The following ISX variants were observed in gnomAD, a reference collection of about 807,000 sequenced individuals.
ISX encodes the protein intestine-specific homeobox.
Under a neutral mutation model 16.9 loss-of-function variants are expected in ISX, and 15 were observed. The observed-to-expected ratio is 0.89, with a 90% CI of 0.59 to 1.36. ISX has a LOEUF of 1.36. Among genes scored for constraint, ISX ranks in the 40% most tolerant of loss-of-function variants. The probability of loss-of-function intolerance (pLI) is 0.00; values close to 1 mark genes in which losing one functional copy is unlikely to be tolerated. For synonymous variants in ISX, 125 were observed against 119.7 expected (o/e 1.04, Z -0.29); for missense variants, 316 against 306.1 (o/e 1.03, Z -0.24).
At chr22:35,068,151 T>G (rs1361191162) in intron 2 of ISX, among the ~76,000 whole-genome samples, 2 of 152,194 alleles carry the variant, frequency 1.3e-5, no homozygotes, top group African/African-American at 4.8e-5. Flanking sequence ...TAAGAAATGG[T>G]GAAGCTGGCG....
At position 35,086,140 on chromosome 22, in the gene ISX, G is replaced by A. The variant is rs1331707819; in HGVS notation, c.*447G>A. The A allele has an allele frequency of 1.2e-5, 3 of 253,180 alleles. No homozygotes were observed. Among genetic ancestry groups the A allele is most frequent in the Admixed American group, 5.1e-5 (1 of 19,742 alleles). 15.7% of individuals were successfully genotyped at this position (253,180 alleles called of 1,614,324 possible). A position where few individuals can be genotyped will look rare whatever the true frequency, so the allele number is the denominator to read the frequency against. On this transcript the variant is annotated 3_prime_UTR_variant, in exon 5 of 5. Transcript: ENST00000404699. The stretch of plus-strand genomic sequence containing the variant: ...GGCCAAGGAGAGGTTGTTTGTTCAT[G>A]CATGCATTCATCCGTGACACATGAG...
intron 2 of ISX, among the ~76,000 whole-genome samples, chr22:35,069,225 A>C (rs2146286904): frequency 6.6e-6 from 1 of 152,362 alleles, no homozygotes; most frequent in East Asian, 1.9e-4. Flanking sequence ...CAAACACAAA[A>C]GTCTATTTGG....
At chr22:35,071,953 T>G (rs746530990) in intron 2 of ISX, among the ~76,000 whole-genome samples, 7 of 152,178 alleles carry the variant, frequency 4.6e-5, no homozygotes, top group Non-Finnish European at 8.8e-5. Context: ...GCAGCCCTGG[T>G]TTGAGGCTGT....
Position 35,085,668 on chromosome 22 carries a change from G to A in ISX, c.713G>A (p.Gly238Asp). 6.2e-7 allele frequency: 1 copy of A among 1,614,170 alleles called. No individual in the cohort carries two copies. The highest frequency in any genetic ancestry group is 8.5e-7 in the Non-Finnish European group (1 of 1,180,024). The change falls in exon 5 of 5, where the codon GGC (glycine) becomes GAC (aspartate). Residue 238 changes from glycine to aspartate, a missense_variant. Transcript: ENST00000404699. The part of the protein sequence containing the change: ...CILPPPHPKW[G>D]SICATST Reference sequence around the variant, plus strand: ...CTTCCACCTCCACACCCCAAATGGGGCAGCATCTGTGCTACTTCAACATAG... The same window carrying A: ...CTTCCACCTCCACACCCCAAATGGGACAGCATCTGTGCTACTTCAACATAG...
At chr22:35,075,357 C>A (rs759172431) in intron 2 of ISX, among the ~76,000 whole-genome samples, 1 of 152,200 alleles carries the variant, frequency 6.6e-6, no homozygotes, top group Non-Finnish European at 1.5e-5. Context: ...TCAGGTGTGT[C>A]AAGCCAAGAA....
rs569235437 is a variant in ISX, at chr22:35,082,749, C to T, written c.381+80C>T. On this transcript the variant is annotated intron_variant, in intron 3 of 4. Coordinates refer to ENST00000404699, the MANE Select transcript of ISX (RefSeq NM_001303508.2). Reference sequence around the variant, plus strand: ...AGACACAATATATCCAGGGACTTTTCGGGTTGCCCCATCTAAAAGTTTCTG... The same window carrying T: ...AGACACAATATATCCAGGGACTTTTTGGGTTGCCCCATCTAAAAGTTTCTG... 4.4e-5 allele frequency: 65 copies of T among 1,465,310 alleles called. No individual in the cohort carries two copies. The African/African-American group carries it at 6.0e-4, about 14-fold the overall frequency. 90.8% of individuals were successfully genotyped at this position (1,465,310 alleles called of 1,614,324 possible). A position where few individuals can be genotyped will look rare whatever the true frequency, so the allele number is the denominator to read the frequency against.
chr22:35,085,822 C>A lies in ISX; in HGVS notation c.*129C>A. On this transcript the variant is annotated 3_prime_UTR_variant, in exon 5 of 5. Coordinates refer to ENST00000404699, the MANE Select transcript of ISX (RefSeq NM_001303508.2). ...ATGGCCCACAGCCCAGGAAGCTACCCTGAACATGCCAGTTGGAAGGCTGCA... is the reference window on the plus strand; with the variant it reads ...ATGGCCCACAGCCCAGGAAGCTACCATGAACATGCCAGTTGGAAGGCTGCA... The A allele has an allele frequency of 8.7e-7, 1 of 1,145,336 alleles. No homozygotes were observed. Among genetic ancestry groups the A allele is most frequent in the Non-Finnish European group, 1.3e-6 (1 of 789,480 alleles). The allele number at this position is 1,145,336 out of a possible 1,614,324, so 70.9% of individuals were successfully genotyped here.
intron 2 of ISX, among the ~76,000 whole-genome samples, chr22:35,075,612 T>G (rs969007966): frequency 3.9e-5 from 6 of 152,198 alleles, no homozygotes; most frequent in Admixed American, 1.3e-4. Flanking sequence ...AACAAAAATT[T>G]TTTTAAATAC....
intron 2 of ISX, among the ~76,000 whole-genome samples, chr22:35,080,312 C>A (rs928771614): frequency 6.6e-6 from 1 of 152,138 alleles, no homozygotes; most frequent in African/African-American, 2.4e-5. Context: ...TCCTCAGTTC[C>A]CCTTTGAGCT....
intron 2 of ISX, among the ~76,000 whole-genome samples, chr22:35,076,245 G>A (rs1274868521): frequency 6.6e-6 from 1 of 152,196 alleles, no homozygotes; most frequent in African/African-American, 2.4e-5. Flanking sequence ...CTCAGGAAGC[G>A]CAGAACAAGG....
rs8142871 is a variant in ISX, at chr22:35,086,751, G to A, written c.*1058G>A. ...GTTATTCCAAGATTCCACTGCAAAAGTGGCTGCTTTGGATGCCAGCCCAGG... is the reference window on the plus strand; with the variant it reads ...GTTATTCCAAGATTCCACTGCAAAAATGGCTGCTTTGGATGCCAGCCCAGG... On this transcript the variant is annotated 3_prime_UTR_variant, in exon 5 of 5. Transcript: ENST00000404699. 0.12 allele frequency: 18,122 copies of A among 152,286 alleles called. 1,251 individuals carry two copies. Among genetic ancestry groups the A allele is most frequent in the Middle Eastern group, 0.24 (70 of 294 alleles). The allele number at this position is 152,286 out of a possible 1,614,324, so 9.4% of individuals were successfully genotyped here.
chr22:35,085,581 G>T lies in ISX; in HGVS notation c.626G>T (p.Trp209Leu), dbSNP rs1929233143. Residue 209 changes from tryptophan (W) to leucine (L), a missense_variant, in exon 5 of 5, where the codon TGG (tryptophan) becomes TTG (leucine). Transcript: ENST00000404699. ...ATCACCCTCCTCCCAGCGCACCCAT[G>T]GGAAACACAGCCTGTCCCAGGTCTT... ...AWITLLPAHPWETQPVPGLPI... is the reference protein window; with the variant it reads ...AWITLLPAHPLETQPVPGLPI... The T allele has an allele frequency of 1.2e-6, 2 of 1,614,182 alleles. No homozygotes were observed. Among genetic ancestry groups the T allele is most frequent in the African/African-American group, 1.3e-5 (1 of 75,042 alleles).
At chr22:35,083,562 A>C (rs941305050) in intron 3 of ISX, among the ~76,000 whole-genome samples, 4 of 152,250 alleles carry the variant, frequency 2.6e-5, no homozygotes, top group South Asian at 2.1e-4. Context: ...ACGTTCCACC[A>C]GATCTCACTG....
At position 35,085,659 on chromosome 22, in the gene ISX, C is replaced by G. The variant is rs1357492807; in HGVS notation, c.704C>G (p.Pro235Arg). 2.5e-6 allele frequency: 4 copies of G among 1,614,248 alleles called. No homozygotes were observed. The highest frequency in any genetic ancestry group is 3.4e-6 in the Non-Finnish European group (4 of 1,180,050). Reference protein sequence around the residue: ...PVLCILPPPHPKWGSICATST With the variant: ...PVLCILPPPHRKWGSICATST ...CTATGCATCCTTCCACCTCCACACC[C>G]CAAATGGGGCAGCATCTGTGCTACT... Residue 235 changes from proline (P) to arginine (R), a missense_variant, in exon 5 of 5, where the codon CCC (proline) becomes CGC (arginine). Pro to Arg is a moderately radical substitution (Grantham distance 103). Transcript: ENST00000404699.
At chr22:35,073,861 T>C (rs1928916276) in intron 2 of ISX, among the ~76,000 whole-genome samples, 1 of 152,224 alleles carries the variant, frequency 6.6e-6, no homozygotes, top group Non-Finnish European at 1.5e-5. Context: ...CCTAGGGGAA[T>C]GAAGAACCAT....
In ISX at chr22:35,084,433, C is replaced by A; in HGVS notation, c.432C>A (p.Gly144=). ...AGTGGCGGAAGCAGGAGAAGATTGG[C>A]AACCTGGGGGCTCCACAGCAGCTGA... ...RAKWRKQEKI[G]NLGAPQQLSE... The change falls in exon 4 of 5, where the codon GGC becomes GGA. Residue 144 remains glycine (G), a synonymous_variant. Coordinates refer to ENST00000404699, the MANE Select transcript of ISX (RefSeq NM_001303508.2). 6.2e-7 allele frequency: 1 copy of A among 1,613,774 alleles called. No individual in the cohort carries two copies. Among genetic ancestry groups the A allele is most frequent in the Non-Finnish European group, 8.5e-7 (1 of 1,179,852 alleles).
intron 2 of ISX, among the ~76,000 whole-genome samples, chr22:35,079,017 G>A (rs917754722): frequency 1.3e-5 from 2 of 152,200 alleles, no homozygotes; most frequent in African/African-American, 4.8e-5. Flanking sequence ...GTTGCATAGT[G>A]GAACCAGGAA....
chr22:35,079,573 G>T (rs367798023), intron 2 of ISX, among the ~76,000 whole-genome samples: 19 of 152,258 alleles, frequency 1.2e-4, no homozygotes, highest in South Asian at 8.3e-4. Context: ...GACATACGAG[G>T]CTCCCTTCCC....
intron 2 of ISX, among the ~76,000 whole-genome samples, chr22:35,075,509 A>T (rs1002606925): frequency 6.6e-6 from 1 of 152,360 alleles, no homozygotes; most frequent in Admixed American, 6.5e-5. Flanking sequence ...ACACACTTCA[A>T]TAAAGGAGCT....
Sources: gnomAD v4.1 joint callset for allele counts (sites outside exome capture counted in the v4.1 genomes callset) on GRCh38, gnomAD v4.1.1 for gene constraint, MANE v1.5 for transcripts, NCBI Gene and HGNC (gene_info 2026-07-23, HGNC 2026-07-21) for gene names.